SCML4: variants seen among roughly 807,000 people sequenced by gnomAD.
SCML4 encodes Scm polycomb group protein like 4.
Under a neutral mutation model 41.1 loss-of-function variants are expected in SCML4, and 34 were observed. That is an observed-to-expected ratio of 0.83 (90% confidence interval 0.63 to 1.10). The LOEUF is 1.10. SCML4 is among the 50% of genes least tolerant of loss of function. The probability of loss-of-function intolerance (pLI) is 0.00; values close to 1 mark genes in which losing one functional copy is unlikely to be tolerated. For missense variants in SCML4, 522 were observed against 534.1 expected (o/e 0.98, Z 0.22); for synonymous variants, 214 against 220.9 (o/e 0.97, Z 0.28).
chr6:107,844,586 C>A, the SCML4 span, among the ~76,000 whole-genome samples: 1 of 151,992 alleles, frequency 6.6e-6, no homozygotes, highest in Admixed American at 6.6e-5. Flanking sequence ...GTAGTCCCAG[C>A]TACTTGGGAG....
In SCML4 at chr6:107,702,681, T is replaced by C. The variant is rs759185789; in HGVS notation, c.*2519A>G. ...CTAACTCTAAACCAGCAGTGAGCAC[T>C]TACGATTAATAAATTCTTAAGAGAC... On this transcript the variant is annotated 3_prime_UTR_variant, in exon 8 of 8. Coordinates refer to ENST00000369020, the MANE Select transcript of SCML4 (RefSeq NM_198081.5). 6.6e-6 allele frequency among the ~76,000 whole-genome samples: 1 copy of C among 152,218 alleles called. No homozygotes were observed. Among genetic ancestry groups the C allele is most frequent in the Non-Finnish European group, 1.5e-5 (1 of 68,048 alleles).
intron 1 of SCML4, among the ~76,000 whole-genome samples, chr6:107,799,008 T>C (rs1027984637): frequency 2.0e-5 from 3 of 152,140 alleles, no homozygotes; most frequent in African/African-American, 7.2e-5. Flanking sequence ...TGTTGGTGAA[T>C]GTTCCATGTG....
intron 1 of SCML4, among the ~76,000 whole-genome samples, chr6:107,823,182 C>G (rs1382250389): frequency 6.6e-6 from 1 of 152,190 alleles, no homozygotes; most frequent in East Asian, 1.9e-4. Context: ...AAACCACTTT[C>G]TCAGAAAGCC....
chr6:107,756,165 G>A (rs1779094031), intron 2 of SCML4, among the ~76,000 whole-genome samples: 1 of 152,146 alleles, frequency 6.6e-6, no homozygotes, highest in South Asian at 2.1e-4. Context: ...TTACGGATGG[G>A]CTGTGCACAG....
At chr6:107,777,493 T>C (rs536856051) in intron 1 of SCML4, among the ~76,000 whole-genome samples, 4 of 152,188 alleles carry the variant, frequency 2.6e-5, no homozygotes, top group Non-Finnish European at 5.9e-5. Context: ...ATGATTCTTA[T>C]TTTCTGAAAG....
chr6:107,768,706 C>G (rs552339294), intron 2 of SCML4, among the ~76,000 whole-genome samples: 1 of 152,280 alleles, frequency 6.6e-6, no homozygotes, highest in African/African-American at 2.4e-5. Context: ...AATGCTTCCA[C>G]CCGGAGCCTC....
At chr6:107,831,957 G>A in the SCML4 span, among the ~76,000 whole-genome samples, 1 of 152,062 alleles carries the variant, frequency 6.6e-6, no homozygotes, top group Non-Finnish European at 1.5e-5. Context: ...TAGCTACTCG[G>A]GAGGCTGAGG....
At chr6:107,834,355 C>T in the SCML4 span, among the ~76,000 whole-genome samples, 15 of 152,194 alleles carry the variant, frequency 9.9e-5, no homozygotes, top group South Asian at 1.7e-3. Flanking sequence ...GGTGCTATAC[C>T]GAAAACAGAA....
At chr6:107,759,649 A>G (rs973326937) in intron 2 of SCML4, among the ~76,000 whole-genome samples, 3 of 152,136 alleles carry the variant, frequency 2.0e-5, no homozygotes, top group African/African-American at 7.2e-5. Context: ...ACTAGCATGT[A>G]TTTACTTACT....
chr6:107,787,940 G>A (rs9486693), intron 1 of SCML4, among the ~76,000 whole-genome samples: 24,274 of 152,170 alleles, frequency 0.16, 2,889 homozygotes, highest in African/African-American at 0.34. Context: ...TTACTGCTAT[G>A]TAATGACACA....
upstream of SCML4, among the ~76,000 whole-genome samples, chr6:107,826,891 G>A (rs970451395): frequency 1.0e-3 from 151 of 147,992 alleles, no homozygotes; most frequent in African/African-American, 3.7e-3. Context: ...GTGAAACCCC[G>A]TCTCTACTAA....
At chr6:107,804,126 A>T (rs1392552932) in intron 1 of SCML4, among the ~76,000 whole-genome samples, 3 of 151,628 alleles carry the variant, frequency 2.0e-5, no homozygotes, top group African/African-American at 4.8e-5. Context: ...GTCACTGGGC[A>T]TTTCTGAGCT....
chr6:107,831,543 C>A, the SCML4 span, among the ~76,000 whole-genome samples: 2 of 151,964 alleles, frequency 1.3e-5, no homozygotes, highest in African/African-American at 4.8e-5. Context: ...ACAAGTGAAC[C>A]TAGAGACTGG....
intron 6 of SCML4, chr6:107,718,658 G>A (rs2114392459): frequency 6.6e-6 from 1 of 152,366 alleles, no homozygotes; most frequent in South Asian, 2.1e-4. Flanking sequence ...CTGTTGTTGA[G>A]TGAGTGATAG....
intron 1 of SCML4, among the ~76,000 whole-genome samples, chr6:107,780,021 G>A (rs1454542435): frequency 6.6e-6 from 1 of 152,164 alleles, no homozygotes. Flanking sequence ...CAGGGGCCGT[G>A]TTTCACATGT....
intron 5 of SCML4, among the ~76,000 whole-genome samples, chr6:107,737,440 C>T (rs1245238501): frequency 6.6e-6 from 1 of 152,202 alleles, no homozygotes; most frequent in East Asian, 1.9e-4. Context: ...TCGATCCAAC[C>T]ACTCTGCCCT....
chr6:107,783,935 C>A (rs761314580), intron 1 of SCML4, among the ~76,000 whole-genome samples: 14 of 152,170 alleles, frequency 9.2e-5, no homozygotes, highest in Non-Finnish European at 1.8e-4. Flanking sequence ...CTCTGCTGGG[C>A]GACCTGGTCC....
chr6:107,821,532 A>G (rs1390349117), intron 1 of SCML4, among the ~76,000 whole-genome samples: 15 of 152,210 alleles, frequency 9.9e-5, no homozygotes. Flanking sequence ...ACGCTCCATG[A>G]TAATCAGATT....
Position 107,768,098 on chromosome 6 carries a change from A to C in SCML4, c.156+4074T>G, listed in dbSNP as rs1395159666. 2.1e-5 allele frequency among the ~76,000 whole-genome samples: 3 copies of C among 139,804 alleles called. No individual in the cohort carries two copies. In the Admixed American group the frequency reaches 2.3e-4, roughly 11 times the overall value. The allele number at this position is 139,804 out of a possible 152,430, so 91.7% of individuals were successfully genotyped here. Reference sequence around the variant, plus strand: ...GAACTCGGTGAGACTTCATCTGTACAAAAAAAAAAAAAAAAAAGTAAAAAA... The same window carrying C: ...GAACTCGGTGAGACTTCATCTGTACCAAAAAAAAAAAAAAAAAGTAAAAAA... On this transcript the variant is annotated intron_variant, in intron 2 of 7. Coordinates refer to ENST00000369020, the MANE Select transcript of SCML4 (RefSeq NM_198081.5).
Sources: allele counts gnomAD v4.1 joint callset (sites outside exome capture counted in the v4.1 genomes callset), GRCh38; gene constraint gnomAD v4.1.1; transcripts MANE v1.5; gene names NCBI Gene and HGNC (gene_info 2026-07-23, HGNC 2026-07-21).